SRGAP2: variants seen among roughly 807,000 people sequenced by gnomAD.
The protein encoded by SRGAP2 is SLIT-ROBO Rho GTPase activating protein 2.
SRGAP2 carries 15 observed loss-of-function variants against 57.2 expected under a neutral mutation model. The observed-to-expected ratio is 0.26, with a 90% CI of 0.18 to 0.40. The LOEUF is 0.40. Among genes scored for constraint, SRGAP2 ranks in the 10% least tolerant of loss-of-function variants. The pLI, the probability that SRGAP2 is intolerant of heterozygous loss-of-function variation, is 1.00. For synonymous variants in SRGAP2, 249 were observed against 248.0 expected, an observed-to-expected ratio of 1.00 and a Z score of -0.04; for missense variants, 520 against 669.6, an observed-to-expected ratio of 0.78 and a Z score of 2.47.
intron 21 of SRGAP2, among the ~76,000 whole-genome samples, chr1:206,456,496 G>T (rs1663845715): frequency 6.6e-6 from 1 of 152,120 alleles, no homozygotes; most frequent in East Asian, 1.9e-4. Flanking sequence ...AACCAAGGCG[G>T]GGTTGGTGGA....
At chr1:206,336,016 T>C (rs1304491623) in intron 3 of SRGAP2, among the ~76,000 whole-genome samples, 1 of 152,022 alleles carries the variant, frequency 6.6e-6, no homozygotes, top group Non-Finnish European at 1.5e-5. Context: ...TTAATAGATG[T>C]CAGACATGGT....
At chr1:206,239,707 C>T (rs1275487337) in intron 2 of SRGAP2, among the ~76,000 whole-genome samples, 1 of 150,832 alleles carries the variant, frequency 6.6e-6, no homozygotes, top group Non-Finnish European at 1.5e-5. Context: ...ATCTGACTGC[C>T]TCAGCCTCCC....
At chr1:206,459,375 GTC>G (rs2103420358) in intron 22 of SRGAP2, among the ~76,000 whole-genome samples, 1 of 149,134 alleles carries the variant, frequency 6.7e-6, no homozygotes, top group African/African-American at 2.6e-5. Flanking sequence ...CCTAAGGCTA[GTC>G]TCTGGTACCG....
intron 2 of SRGAP2, among the ~76,000 whole-genome samples, chr1:206,281,926 A>C (rs1335662306): frequency 7.0e-6 from 1 of 142,970 alleles, no homozygotes; most frequent in African/African-American, 2.7e-5. Flanking sequence ...AAAAAAAAAC[A>C]AAAAAAAACC....
chr1:206,312,933 A>C (rs1315108908), intron 3 of SRGAP2, among the ~76,000 whole-genome samples: 1 of 151,316 alleles, frequency 6.6e-6, no homozygotes, highest in Admixed American at 6.6e-5. Context: ...CAGGACTCTA[A>C]TTGATAATGC....
At chr1:206,460,851 T>C (rs1471355649) in intron 22 of SRGAP2, among the ~76,000 whole-genome samples, 186 bp from the exon 23 acceptor site, 2 of 151,976 alleles carry the variant, frequency 1.3e-5, no homozygotes, top group African/African-American at 4.8e-5. Context: ...CTCATGACAG[T>C]GAAAATCCCT....
At chr1:206,268,081 A>AT (rs71568075) in intron 2 of SRGAP2, among the ~76,000 whole-genome samples, 28 of 145,260 alleles carry the variant, frequency 1.9e-4, no homozygotes, top group African/African-American at 5.5e-4. Context: ...ATATATATAT[A>AT]TTTTTTTTTT....
At chr1:206,396,063 A>G (rs1553353282) in intron 7 of SRGAP2, among the ~76,000 whole-genome samples, 1 of 146,862 alleles carries the variant, frequency 6.8e-6, no homozygotes, top group Non-Finnish European at 1.5e-5. Context: ...GCTCACTGCA[A>G]GCTCCGCCTC....
intron 2 of SRGAP2, among the ~76,000 whole-genome samples, chr1:206,268,828 TATAAA>T (rs1180486040): frequency 7.8e-6 from 1 of 128,030 alleles, no homozygotes; most frequent in Non-Finnish European, 1.6e-5. Context: ...GTAAAAATAA[TATAAA>T]ATAATATGAC....
chr1:206,234,651 G>T (rs144421052), intron 2 of SRGAP2, among the ~76,000 whole-genome samples: 5 of 152,316 alleles, frequency 3.3e-5, no homozygotes, highest in African/African-American at 1.2e-4. Flanking sequence ...TTCTTCGGGA[G>T]ACACAGTAGC....
chr1:206,436,604 G>C (rs1661783162), intron 14 of SRGAP2, among the ~76,000 whole-genome samples: 1 of 152,174 alleles, frequency 6.6e-6, no homozygotes, highest in African/African-American at 2.4e-5. Flanking sequence ...TGCTGCCTCA[G>C]CTTCCTGAGT....
chr1:206,268,511 G>A (rs1367985373), intron 2 of SRGAP2, among the ~76,000 whole-genome samples: 1 of 152,122 alleles, frequency 6.6e-6, no homozygotes, highest in Non-Finnish European at 1.5e-5. Flanking sequence ...AATAATGGGT[G>A]TAAATGATAT....
chr1:206,284,015 T>G (rs1670883453), intron 2 of SRGAP2, among the ~76,000 whole-genome samples: 3 of 150,430 alleles, frequency 2.0e-5, no homozygotes, highest in Non-Finnish European at 4.4e-5. Flanking sequence ...TAGTTGGAAA[T>G]TTAATTACTT....
chr1:206,454,396 T>C lies in SRGAP2; in HGVS notation c.2361-482T>C. 1.7e-6 allele frequency: 1 copy of C among 587,312 alleles called. No homozygotes were observed. The highest frequency in any genetic ancestry group is 2.9e-5 in the Admixed American group (1 of 33,910). 36.4% of individuals were successfully genotyped at this position (587,312 alleles called of 1,614,324 possible). A position where few individuals can be genotyped will look rare whatever the true frequency, so the allele number is the denominator to read the frequency against. Reference sequence around the variant, plus strand: ...AGAGACCTGGGACCGGCTTGGATGCTCTGAGCGGGGCTAGAGGCGCTACGA... The same window carrying C: ...AGAGACCTGGGACCGGCTTGGATGCCCTGAGCGGGGCTAGAGGCGCTACGA... On this transcript the variant is annotated intron_variant, in intron 20 of 22. Transcript: ENST00000573034. The surrounding 1 kb of genome is among the most constrained non-coding windows in gnomAD (Gnocchi z 4.3).
At chr1:206,415,768 G>A in intron 10 of SRGAP2, 121 bp from the exon 11 acceptor site, 1 of 687,514 alleles carries the variant, frequency 1.5e-6, no homozygotes, top group East Asian at 2.7e-5. Flanking sequence ...AAATTGACTG[G>A]TGGAAATTGG....
intron 3 of SRGAP2, among the ~76,000 whole-genome samples, chr1:206,334,035 G>GT (rs1674590580): frequency 6.6e-6 from 1 of 151,958 alleles, no homozygotes; most frequent in African/African-American, 2.4e-5. Context: ...TGGTCATTCA[G>GT]TAGCCACCCA....
chr1:206,338,972 G>A (rs1309178953), intron 3 of SRGAP2, among the ~76,000 whole-genome samples: 1 of 151,784 alleles, frequency 6.6e-6, no homozygotes, highest in Admixed American at 6.6e-5. Flanking sequence ...AAAATATTGA[G>A]ATCAGGATTA....
chr1:206,370,396 T>TA (rs1654424680), intron 4 of SRGAP2, among the ~76,000 whole-genome samples: 1 of 152,218 alleles, frequency 6.6e-6, no homozygotes, highest in Non-Finnish European at 1.5e-5. Flanking sequence ...GTCATGTCCA[T>TA]ACAATAGAGT....
chr1:206,284,046 T>C (rs1200016831), intron 2 of SRGAP2, among the ~76,000 whole-genome samples: 5 of 151,980 alleles, frequency 3.3e-5, no homozygotes, highest in South Asian at 2.1e-4. Flanking sequence ...TTTTTAAAAA[T>C]AAGAGAAACC....
Sources: allele counts gnomAD v4.1 joint callset (sites outside exome capture counted in the v4.1 genomes callset), GRCh38; gene constraint gnomAD v4.1.1; non-coding constraint Gnocchi (gnomAD v3.1); transcripts MANE v1.5; gene names NCBI Gene and HGNC (gene_info 2026-07-23, HGNC 2026-07-21).